Variants in ZNF827 observed in about 807,000 individuals in gnomAD.
ZNF827 encodes the protein zinc finger protein 827.
A neutral mutation model predicts 102.4 loss-of-function variants in ZNF827; 13 were observed. The observed-to-expected ratio is 0.13, with a 90% CI of 0.08 to 0.20. The LOEUF is 0.20. ZNF827 is among the 10% of genes least tolerant of loss of function. ZNF827 has a pLI of 1.00. For missense variants in ZNF827, 1,103 were observed against 1,344.4 expected, an observed-to-expected ratio of 0.82 and a Z score of 2.81; for synonymous variants, 523 against 536.2, an observed-to-expected ratio of 0.98 and a Z score of 0.34.
intron 7 of ZNF827, chr4:145,832,259 C>T (rs113691364): frequency 0.041 from 6,226 of 152,176 alleles, 397 homozygotes; most frequent in African/African-American, 0.14. Flanking sequence ...GGCAAGACCT[C>T]GTCTCAAAAA....
intron 8 of ZNF827, among the ~76,000 whole-genome samples, chr4:145,809,094 C>T (rs1741770778): frequency 6.6e-6 from 1 of 152,226 alleles, no homozygotes; most frequent in Non-Finnish European, 1.5e-5. Flanking sequence ...AGCCACTGTG[C>T]CCAGCCTAGC....
intron 1 of ZNF827, among the ~76,000 whole-genome samples, chr4:145,912,515 T>C (rs1752363718): frequency 6.6e-6 from 1 of 152,214 alleles, no homozygotes; most frequent in African/African-American, 2.4e-5. Context: ...TCAAAAGATA[T>C]TGAAGTTCTA....
At chr4:145,929,414 G>C (rs1292961036) in intron 1 of ZNF827, among the ~76,000 whole-genome samples, 2 of 152,052 alleles carry the variant, frequency 1.3e-5, no homozygotes, top group Non-Finnish European at 2.9e-5. Flanking sequence ...GTCTAAAGGA[G>C]GATTTAGTAT....
intron 1 of ZNF827, chr4:145,907,036 T>C (rs563500470): frequency 1.3e-5 from 6 of 456,454 alleles, no homozygotes; most frequent in African/African-American, 1.0e-4. Flanking sequence ...AGGAGAAACA[T>C]AGCTGAAATT....
intron 2 of ZNF827, among the ~76,000 whole-genome samples, chr4:145,901,554 G>A (rs1323644423): frequency 2.6e-5 from 4 of 152,236 alleles, no homozygotes; most frequent in Admixed American, 2.6e-4. Context: ...CACAGGAAAT[G>A]TGTTGATTAT....
chr4:145,922,108 G>A (rs1007491527), intron 1 of ZNF827, among the ~76,000 whole-genome samples: 8 of 152,154 alleles, frequency 5.3e-5, no homozygotes, highest in Admixed American at 2.0e-4. Context: ...CCCATCTTCA[G>A]GATTCTTTGC....
At chr4:145,864,420 CAAAAAAA>C (rs34745619) in intron 5 of ZNF827, among the ~76,000 whole-genome samples, 97 of 60,814 alleles carry the variant, frequency 1.6e-3, no homozygotes, top group Admixed American at 0.011. Context: ...CTTGTCTCTA[CAAAAAAA>C]AAAAAAAAAA....
In ZNF827 at chr4:145,775,804, T is replaced by A; in HGVS notation, c.2678A>T (p.His893Leu). The A allele has an allele frequency of 6.2e-7, 1 of 1,614,180 alleles. No individual in the cohort carries two copies. The highest frequency in any genetic ancestry group is 8.5e-7 in the Non-Finnish European group (1 of 1,180,030). ...TGCAACTCACCTGTAATAATAAGGA[T>A]GTTTCTTCCCATCACTGCCTTCAGA... ...VTSEGSDGKK[H>L]PYYYSCHVCG... The change falls in exon 10 of 15, where the codon CAT (histidine) becomes CTT (leucine). Residue 893 changes from histidine (H) to leucine (L), a missense_variant. Transcript: ENST00000508784.
intron 5 of ZNF827, among the ~76,000 whole-genome samples, chr4:145,854,923 A>T (rs1478274097): frequency 1.3e-5 from 2 of 150,622 alleles, no homozygotes; most frequent in African/African-American, 2.5e-5. Flanking sequence ...CTCTGCACTG[A>T]GCTCTCAGGG....
At chr4:145,876,430 C>T (rs1401356301) in intron 4 of ZNF827, 1 of 152,172 alleles carries the variant, frequency 6.6e-6, no homozygotes, top group African/African-American at 2.4e-5. Flanking sequence ...AGGGTAGATT[C>T]AAGTGTATCA....
chr4:145,855,760 T>C (rs984526653), intron 5 of ZNF827, among the ~76,000 whole-genome samples: 5 of 152,184 alleles, frequency 3.3e-5, no homozygotes, highest in Non-Finnish European at 7.3e-5. Context: ...TTCTCCTTCT[T>C]AGAGAGAAGC....
In ZNF827 at chr4:145,846,018, A is replaced by G. The variant is rs1447173260; in HGVS notation, c.2222-5T>C. 6.2e-7 allele frequency: 1 copy of G among 1,614,030 alleles called. No homozygotes were observed. Among genetic ancestry groups the G allele is most frequent in the Non-Finnish European group, 8.5e-7 (1 of 1,180,016 alleles). On this transcript the variant is annotated splice_polypyrimidine_tract_variant and splice_region_variant and intron_variant, in intron 6 of 14. Transcript: ENST00000508784. ...TGTGCTCTTTGCTCACTTTTTCTGT[A>G]AGGAGAAAGAATGAAACATACACCT...
chr4:145,859,816 G>C (rs1359774198), intron 5 of ZNF827, among the ~76,000 whole-genome samples: 3 of 152,110 alleles, frequency 2.0e-5, no homozygotes, highest in African/African-American at 4.8e-5. Context: ...GTTACACACA[G>C]GACTGATACC....
intron 5 of ZNF827, among the ~76,000 whole-genome samples, chr4:145,868,358 A>AC (rs1554002110): frequency 1.3e-5 from 2 of 151,896 alleles, no homozygotes; most frequent in East Asian, 1.9e-4. Context: ...GGATTTGAGG[A>AC]TTTTTTTTCA....
At chr4:145,873,909 C>A (rs1231005067) in intron 4 of ZNF827, among the ~76,000 whole-genome samples, 5 of 152,038 alleles carry the variant, frequency 3.3e-5, no homozygotes, top group Non-Finnish European at 4.4e-5. Flanking sequence ...GTCTTTGATT[C>A]TTTGAGGAAG....
At chr4:145,849,712 C>T in intron 5 of ZNF827, 151 bp from the exon 6 acceptor site, 2 of 1,296,486 alleles carry the variant, frequency 1.5e-6, no homozygotes, top group East Asian at 2.3e-5. Flanking sequence ...GTTTGAAAAC[C>T]ATTGGCTCAA....
intron 8 of ZNF827, among the ~76,000 whole-genome samples, chr4:145,813,284 G>A (rs1394945764): frequency 6.6e-6 from 1 of 152,170 alleles, no homozygotes; most frequent in African/African-American, 2.4e-5. Context: ...AGCACGGGAA[G>A]AGTGAGTATA....
At chr4:145,820,805 G>A (rs907996499) in intron 8 of ZNF827, among the ~76,000 whole-genome samples, 12 of 152,012 alleles carry the variant, frequency 7.9e-5, no homozygotes, top group Admixed American at 3.3e-4. Context: ...ATCTGCTGCC[G>A]GATTGGTCTT....
intron 4 of ZNF827, among the ~76,000 whole-genome samples, chr4:145,873,985 C>T (rs1380990534): frequency 6.6e-6 from 1 of 151,346 alleles, no homozygotes; most frequent in Non-Finnish European, 1.5e-5. Context: ...TATTTAAAAA[C>T]ATTTTAAAAT....
Sources: allele counts gnomAD v4.1 joint callset (sites outside exome capture counted in the v4.1 genomes callset), GRCh38; gene constraint gnomAD v4.1.1; transcripts MANE v1.5; gene names NCBI Gene and HGNC (gene_info 2026-07-23, HGNC 2026-07-21).